Variants in GAA observed in about 807,000 individuals in gnomAD.
GAA encodes the protein lysosomal alpha-glucosidase.
A neutral mutation model predicts 103.9 loss-of-function variants in GAA; 88 were observed. The observed-to-expected ratio is 0.85, with a 90% CI of 0.71 to 1.01. The LOEUF (loss-of-function observed/expected upper bound fraction) is 1.01, where lower values mean the gene tolerates loss of function less well. GAA is among the 50% of genes least tolerant of loss of function. The probability of loss-of-function intolerance (pLI) is 0.00; values close to 1 mark genes in which losing one functional copy is unlikely to be tolerated. For missense variants in GAA, 1,350 were observed against 1,305.3 expected (o/e 1.03, Z -0.53); for synonymous variants, 572 against 563.1 (o/e 1.02, Z -0.22).
rs1365945556 is a variant in GAA at position 80,117,712 on chromosome 17, A to C, written c.2444A>C (p.Asn815Thr). 1 of 1,612,032 alleles carries C rather than the reference A, an allele frequency of 6.2e-7. No homozygotes were observed. Among genetic ancestry groups the C allele is most frequent in the Non-Finnish European group, 8.5e-7 (1 of 1,179,762 alleles). ...VTLPAPLDTI[N>T]VHLRAGYIIP... ...CTGCCGGCCCCCCTGGACACCATCA[A>C]CGTCCACCTCCGGGCTGGGTACATC... The change falls in exon 17 of 20, where the codon AAC becomes ACC. Residue 815 changes from asparagine (N) to threonine (T), a missense_variant. Physicochemically the swap from Asn to Thr is moderately conservative, Grantham distance 65. Transcript: ENST00000302262.
rs1046084886 is a variant in GAA at position 80,111,295 on chromosome 17, T to G, written c.1636+270T>G. ...GAGGCCGACTCGACTCAGAGCCGTCTCGATAGGCGCAGGGACCATGCAGCG... is the reference window on the plus strand; with the variant it reads ...GAGGCCGACTCGACTCAGAGCCGTCGCGATAGGCGCAGGGACCATGCAGCG... On this transcript the variant is annotated intron_variant, in intron 11 of 19. Coordinates refer to ENST00000302262, the MANE Select transcript of GAA (RefSeq NM_000152.5). 2.6e-5 allele frequency among the ~76,000 whole-genome samples: 4 copies of G among 152,286 alleles called. No individual in the cohort carries two copies. In the South Asian group the frequency reaches 8.3e-4, roughly 32 times the overall value.
intron 11 of GAA, 116 bp from the exon 12 acceptor site, chr17:80,111,867 G>T: frequency 1.2e-6 from 1 of 817,068 alleles, no homozygotes. Context: ...CACCTCCAGG[G>T]CCAGCCTGAA....
At position 80,118,045 on chromosome 17, in the gene GAA, G is replaced by A. The variant is rs1047190930; in HGVS notation, c.2482-148G>A. Reference sequence around the variant, plus strand: ...GGGGAAGGTCTTGGGTCATCACCACGGGGTTCCAGCCCCTGCGGCCGCAGG... The same window carrying A: ...GGGGAAGGTCTTGGGTCATCACCACAGGGTTCCAGCCCCTGCGGCCGCAGG... On this transcript the variant is annotated intron_variant, in intron 17 of 19. Transcript: ENST00000302262. 20 of 941,470 alleles carry A rather than the reference G, an allele frequency of 2.1e-5. No individual in the cohort carries two copies. In the African/African-American group the frequency reaches 3.0e-4, roughly 14 times the overall value. The allele number at this position is 941,470 out of a possible 1,614,324, so 58.3% of individuals were successfully genotyped here.
rs2039213206 is a variant in GAA, at chr17:80,110,737, G to T, written c.1448G>T (p.Gly483Val). ...CCTCTCGTTGTCCAGGTATGGCCCG[G>T]GTCCACTGCCTTCCCCGACTTCACC... The part of the protein sequence containing the change: ...GQPLIGKVWP[G>V]STAFPDFTNP... Residue 483 changes from glycine (G) to valine (V), a missense_variant, in exon 10 of 20, where the codon GGG becomes GTG. Coordinates refer to ENST00000302262, the MANE Select transcript of GAA (RefSeq NM_000152.5). 1 of 1,613,836 alleles carries T rather than the reference G, an allele frequency of 6.2e-7. No homozygotes were observed. Among genetic ancestry groups the T allele is most frequent in the Admixed American group, 1.7e-5 (1 of 60,000 alleles).
Position 80,116,974 on chromosome 17 carries a change from C to T in GAA, c.2196C>T (p.Pro732=). The T allele has an allele frequency of 1.9e-6, 3 of 1,613,804 alleles. No homozygotes were observed. Among genetic ancestry groups the T allele is most frequent in the Non-Finnish European group, 2.5e-6 (3 of 1,180,040 alleles). ...TVARPLFLEF[P]KDSSTWTVDH... ...GTGCCCATCCCCCTTGCAGGTTCCCCAAGGACTCTAGCACCTGGACTGTGG... is the reference window on the plus strand; with the variant it reads ...GTGCCCATCCCCCTTGCAGGTTCCCTAAGGACTCTAGCACCTGGACTGTGG... The change falls in exon 16 of 20, where the codon CCC becomes CCT. Residue 732 remains proline (P), a synonymous_variant. Coordinates refer to ENST00000302262, the MANE Select transcript of GAA (RefSeq NM_000152.5).
In GAA at chr17:80,119,475, G is replaced by A. The variant is rs2039435908; in HGVS notation, c.*144G>A. ...ACTAACCATTCCAAGCCGCCGCATCGCTTGTTTCCACCTCCTGGGCCGGGG... is the reference window on the plus strand; with the variant it reads ...ACTAACCATTCCAAGCCGCCGCATCACTTGTTTCCACCTCCTGGGCCGGGG... On this transcript the variant is annotated 3_prime_UTR_variant, in exon 20 of 20. Transcript: ENST00000302262. 27 of 736,822 alleles carry A rather than the reference G, an allele frequency of 3.7e-5. No individual in the cohort carries two copies. The highest frequency in any genetic ancestry group is 2.8e-4 in the South Asian group (19 of 68,184). 45.6% of individuals were successfully genotyped at this position (736,822 alleles called of 1,614,324 possible).
intron 12 of GAA, 88 bp from the exon 13 acceptor site, chr17:80,112,490 T>C: frequency 6.5e-7 from 1 of 1,539,844 alleles, no homozygotes; most frequent in South Asian, 1.1e-5. Flanking sequence ...CCCAGAAAGC[T>C]CCTTGCTCCC....
In GAA at chr17:80,113,314, T is replaced by C. The variant is rs755618776; in HGVS notation, c.2137T>C (p.Phe713Leu). 1.9e-6 allele frequency: 3 copies of C among 1,599,722 alleles called. No individual in the cohort carries two copies. The highest frequency in any genetic ancestry group is 1.7e-5 in the Admixed American group (1 of 58,374). The part of the protein sequence containing the change: ...YALLPHLYTL[F>L]HQAHVAGETV... ...ACTCCTCCCCCACCTCTACACACTG[T>C]TCCACCAGGCCCACGTCGCGGGGGA... Residue 713 changes from phenylalanine to leucine, a missense_variant, in exon 15 of 20, where the codon TTC (phenylalanine) becomes CTC (leucine). Transcript: ENST00000302262.
In GAA at chr17:80,118,242, C is replaced by A. The variant is rs760782671; in HGVS notation, c.2531C>A (p.Ala844Asp). 2 of 1,612,552 alleles carry A rather than the reference C, an allele frequency of 1.2e-6. No individual in the cohort carries two copies. The highest frequency in any genetic ancestry group is 1.1e-5 in the South Asian group (1 of 90,890). ...TCCCGCCAGCAGCCCATGGCCCTGG[C>A]TGTGGCCCTGACCAAGGGTGGGGAG... is the stretch of plus-strand genomic sequence containing the variant. ...TESRQQPMAL[A>D]VALTKGGEAR... The change falls in exon 18 of 20, where the codon GCT (alanine) becomes GAT (aspartate). Residue 844 changes from alanine to aspartate, a missense_variant. Physicochemically the swap from Ala to Asp is moderately radical, Grantham distance 126 (BLOSUM62 -2). Coordinates refer to ENST00000302262, the MANE Select transcript of GAA (RefSeq NM_000152.5).
chr17:80,103,815 C>A (rs945001721), intron 1 of GAA, among the ~76,000 whole-genome samples: 1 of 152,166 alleles, frequency 6.6e-6, no homozygotes, highest in African/African-American at 2.4e-5. Context: ...TGGAGTGTCA[C>A]CCTCAGCTGC....
chr17:80,113,829 G>A (rs1338266358), intron 15 of GAA, among the ~76,000 whole-genome samples: 1 of 148,798 alleles, frequency 6.7e-6, no homozygotes, highest in Non-Finnish European at 1.5e-5. Flanking sequence ...GGCCAGCCTG[G>A]CCAACATGGT....
Position 80,117,712 on chromosome 17 carries a change from A to T in GAA, c.2444A>T (p.Asn815Ile). The T allele has an allele frequency of 1.2e-6, 2 of 1,612,032 alleles. No homozygotes were observed. Among genetic ancestry groups the T allele is most frequent in the Non-Finnish European group, 1.7e-6 (2 of 1,179,762 alleles). ...VTLPAPLDTI[N>I]VHLRAGYIIP... Reference sequence around the variant, plus strand: ...CTGCCGGCCCCCCTGGACACCATCAACGTCCACCTCCGGGCTGGGTACATC... The same window carrying T: ...CTGCCGGCCCCCCTGGACACCATCATCGTCCACCTCCGGGCTGGGTACATC... Residue 815 changes from asparagine to isoleucine, a missense_variant, in exon 17 of 20, where the codon AAC (asparagine) becomes ATC (isoleucine). By Grantham distance (149) the Asn-to-Ile change is moderately radical (BLOSUM62 -3). Transcript: ENST00000302262.
In GAA at chr17:80,107,732, C is replaced by A. The variant is rs758283022; in HGVS notation, c.858+10C>A. On this transcript the variant is annotated intron_variant, in intron 4 of 19. Coordinates refer to ENST00000302262, the MANE Select transcript of GAA (RefSeq NM_000152.5). ...GGACCTTGCGCCCACGGTACAGCGG[C>A]GGGCGGCGGGCGGGGGCACTGAGCT... 5 of 1,606,934 alleles carry A rather than the reference C, an allele frequency of 3.1e-6. No individual in the cohort carries two copies. In the Admixed American group the frequency reaches 8.4e-5, roughly 27 times the overall value.
At position 80,118,640 on chromosome 17, in the gene GAA, C is replaced by CT. The variant is rs1488128208; in HGVS notation, c.2647-12dup. On this transcript the variant is annotated splice_polypyrimidine_tract_variant and intron_variant, in intron 18 of 19. Transcript: ENST00000302262. The stretch of plus-strand genomic sequence containing the variant: ...ACATTCTCTGCCTTTTCATCTCTCT[C>CT]TGCTCGGCCCAGAACACGATCGTGA... 1.2e-6 allele frequency: 2 copies of CT among 1,611,574 alleles called. No homozygotes were observed. The highest frequency in any genetic ancestry group is 2.2e-5 in the South Asian group (2 of 91,086).
intron 11 of GAA, 192 bp from the exon 12 acceptor site, chr17:80,111,791 G>A: frequency 3.3e-6 from 2 of 603,826 alleles, no homozygotes; most frequent in South Asian, 1.9e-5. Flanking sequence ...TAGAAGCAGT[G>A]GAGATGATTA....
chr17:80,116,438 G>A (rs1289891958), intron 15 of GAA, among the ~76,000 whole-genome samples: 1 of 152,210 alleles, frequency 6.6e-6, no homozygotes, highest in African/African-American at 2.4e-5. Context: ...GCACGTCCGG[G>A]GGCAGGAAAC....
At position 80,107,638 on chromosome 17, in the gene GAA, A is replaced by T; in HGVS notation, c.774A>T (p.Thr258=). The change falls in exon 4 of 20, where the codon ACA becomes ACT. Residue 258 remains threonine (T), a synonymous_variant. Transcript: ENST00000302262. Reference sequence around the variant, plus strand: ...CCTCGCTGCCCTCGCAGTATATCACAGGCCTCGCCGAGCACCTCAGTCCCC... The same window carrying T: ...CCTCGCTGCCCTCGCAGTATATCACTGGCCTCGCCGAGCACCTCAGTCCCC... ...LSTSLPSQYI[T]GLAEHLSPLM... is the part of the protein sequence containing the mutation. 2 of 1,613,114 alleles carry T rather than the reference A, an allele frequency of 1.2e-6. No homozygotes were observed. Among genetic ancestry groups the T allele is most frequent in the Non-Finnish European group, 1.7e-6 (2 of 1,179,852 alleles).
chr17:80,117,095 T>C lies in GAA; in HGVS notation c.2317T>C (p.Tyr773His). The change falls in exon 16 of 20, where the codon TAC becomes CAC. Residue 773 changes from tyrosine to histidine, a missense_variant. Coordinates refer to ENST00000302262, the MANE Select transcript of GAA (RefSeq NM_000152.5). ...VTGYFPLGTW[Y>H]DLQTVPVEAL... ...TGGCTACTTCCCCTTGGGCACATGGTACGACCTGCAGACGGTGAGTCTGGG... is the reference window on the plus strand; with the variant it reads ...TGGCTACTTCCCCTTGGGCACATGGCACGACCTGCAGACGGTGAGTCTGGG... 6.2e-7 allele frequency: 1 copy of C among 1,612,918 alleles called. No homozygotes were observed. The highest frequency in any genetic ancestry group is 8.5e-7 in the Non-Finnish European group (1 of 1,179,994).
intron 3 of GAA, 131 bp from the exon 4 acceptor site, chr17:80,107,426 C>T: frequency 8.5e-7 from 1 of 1,170,332 alleles, no homozygotes; most frequent in Non-Finnish European, 1.3e-6. Context: ...GTCCCAGGGT[C>T]AGTGTGCTGC....
Sources: gnomAD v4.1 joint callset for allele counts (sites outside exome capture counted in the v4.1 genomes callset) on GRCh38, gnomAD v4.1.1 for gene constraint, MANE v1.5 for transcripts, NCBI Gene and HGNC (gene_info 2026-07-23, HGNC 2026-07-21) for gene names.